Variants in AGBL4 observed in about 807,000 individuals in gnomAD.
The protein encoded by AGBL4 is AGBL carboxypeptidase 4.
Under a neutral mutation model 66.4 loss-of-function variants are expected in AGBL4, and 58 were observed. The ratio of observed to expected loss-of-function variants is 0.87; its 90% CI spans 0.71 to 1.09. The LOEUF is 1.09. Among genes scored for constraint, AGBL4 ranks in the 50% least tolerant of loss-of-function variants. The pLI, the probability that AGBL4 is intolerant of heterozygous loss-of-function variation, is 0.00. For synonymous variants in AGBL4, 234 were observed against 222.9 expected, an observed-to-expected ratio of 1.05 and a Z score of -0.44; for missense variants, 579 against 631.0, an observed-to-expected ratio of 0.92 and a Z score of 0.88.
At chr1:49,844,809 G>A in intron 2 of AGBL4, 2 of 1,551,824 alleles carry the variant, frequency 1.3e-6, no homozygotes, top group Admixed American at 1.7e-5. Context: ...GGTACTGCAG[G>A]GGTGAAGACA....
intron 6 of AGBL4, among the ~76,000 whole-genome samples, chr1:48,809,051 T>C (rs1338079091): frequency 6.6e-6 from 1 of 152,138 alleles, no homozygotes; most frequent in Admixed American, 6.6e-5. Flanking sequence ...GCAGACTTCT[T>C]GCAGGGTTTT....
chr1:49,335,615 AT>A (rs1204560076), intron 3 of AGBL4, among the ~76,000 whole-genome samples: 3 of 151,844 alleles, frequency 2.0e-5, no homozygotes, highest in Non-Finnish European at 4.4e-5. Context: ...TCCCAGGTTC[AT>A]GCCATTCTCC....
chr1:49,053,955 A>C (rs1557600845), intron 4 of AGBL4, among the ~76,000 whole-genome samples: 1 of 152,272 alleles, frequency 6.6e-6, no homozygotes, highest in Middle Eastern at 3.4e-3. Flanking sequence ...TTATTTTTGA[A>C]AAACTTATGC....
At chr1:48,759,374 C>T in intron 6 of AGBL4, 1 of 1,473,422 alleles carries the variant, frequency 6.8e-7, no homozygotes, top group Non-Finnish European at 9.0e-7. Flanking sequence ...ATCCTAAAAT[C>T]ACAGAATCAC....
intron 6 of AGBL4, among the ~76,000 whole-genome samples, chr1:48,740,353 C>G (rs866193777): frequency 2.0e-5 from 3 of 152,192 alleles, no homozygotes; most frequent in Middle Eastern, 3.2e-3. Flanking sequence ...TGCCTCTAAC[C>G]TGTTATGTAA....
intron 3 of AGBL4, among the ~76,000 whole-genome samples, chr1:49,304,193 A>G (rs1644807529): frequency 6.6e-6 from 1 of 152,188 alleles, no homozygotes; most frequent in Non-Finnish European, 1.5e-5. Context: ...AATTTTCTGC[A>G]TATGGCTAGT....
chr1:49,571,695 T>G (rs1399064069), intron 3 of AGBL4, among the ~76,000 whole-genome samples: 1 of 152,114 alleles, frequency 6.6e-6, no homozygotes, highest in African/African-American at 2.4e-5. Flanking sequence ...CAGTACCATG[T>G]TAGTTGTCAG....
intron 9 of AGBL4, among the ~76,000 whole-genome samples, chr1:48,618,401 C>T (rs1645354560): frequency 6.6e-6 from 1 of 152,142 alleles, no homozygotes; most frequent in African/African-American, 2.4e-5. Context: ...TGGTAGAAAT[C>T]CTGGGAACCT....
chr1:49,567,642 G>A (rs1344766507), intron 3 of AGBL4, among the ~76,000 whole-genome samples: 1 of 152,066 alleles, frequency 6.6e-6, no homozygotes, highest in Non-Finnish European at 1.5e-5. Flanking sequence ...ATGTGCCATG[G>A]TAGTTTTCTG....
chr1:48,844,830 G>A (rs527498849), intron 6 of AGBL4, among the ~76,000 whole-genome samples: 23 of 152,294 alleles, frequency 1.5e-4, no homozygotes, highest in South Asian at 1.2e-3. Flanking sequence ...TTTTCTTGAA[G>A]CAGGTAGGGA....
At chr1:49,369,962 T>C (rs1459729401) in intron 3 of AGBL4, among the ~76,000 whole-genome samples, 1 of 151,358 alleles carries the variant, frequency 6.6e-6, no homozygotes, top group Non-Finnish European at 1.5e-5. Flanking sequence ...AATACCACCC[T>C]CCTTGAGCAA....
chr1:49,037,452 A>G (rs1447041164), intron 5 of AGBL4, among the ~76,000 whole-genome samples: 1 of 152,062 alleles, frequency 6.6e-6, no homozygotes, highest in African/African-American at 2.4e-5. Context: ...CCCTCAGGAT[A>G]CAGTCCAAAT....
intron 11 of AGBL4, among the ~76,000 whole-genome samples, chr1:48,561,360 C>T (rs1644394762): frequency 6.6e-6 from 1 of 152,016 alleles, no homozygotes; most frequent in Non-Finnish European, 1.5e-5. Flanking sequence ...CAACGCTGTA[C>T]CACTGGATGA....
At chr1:48,891,954 T>A (rs1224584685) in intron 5 of AGBL4, among the ~76,000 whole-genome samples, 3 of 151,564 alleles carry the variant, frequency 2.0e-5, no homozygotes, top group African/African-American at 7.2e-5. Context: ...GAATACACAT[T>A]GTATTTATTT....
intron 8 of AGBL4, among the ~76,000 whole-genome samples, chr1:48,634,938 A>T (rs1258647154): frequency 6.6e-6 from 1 of 152,196 alleles, no homozygotes; most frequent in Non-Finnish European, 1.5e-5. Context: ...CAGCTGAGAA[A>T]AATGCTCAGG....
intron 7 of AGBL4, among the ~76,000 whole-genome samples, chr1:48,658,917 A>G (rs1426884071): frequency 1.3e-5 from 2 of 151,944 alleles, no homozygotes; most frequent in Non-Finnish European, 2.9e-5. Flanking sequence ...AATAACCCTG[A>G]GGAGTGAACT....
intron 6 of AGBL4, among the ~76,000 whole-genome samples, chr1:48,735,645 A>T (rs187824425): frequency 6.6e-6 from 1 of 151,888 alleles, no homozygotes; most frequent in Non-Finnish European, 1.5e-5. Context: ...CTGCCCTCCA[A>T]CCTCTCCCAT....
chr1:48,978,055 C>T (rs1379058116), intron 5 of AGBL4, among the ~76,000 whole-genome samples: 1 of 152,104 alleles, frequency 6.6e-6, no homozygotes, highest in African/African-American at 2.4e-5. Context: ...GCCATTGGAA[C>T]CTTGTGTCTT....
At chr1:48,529,459 C>G (rs1018834465), downstream of AGBL4, among the ~76,000 whole-genome samples, 1 of 152,102 alleles carries the variant, frequency 6.6e-6, no homozygotes, top group African/African-American at 2.4e-5. Context: ...ATGAGGATCC[C>G]GAGACTTAAA....
Sources: allele counts gnomAD v4.1 joint callset (sites outside exome capture counted in the v4.1 genomes callset), GRCh38; gene constraint gnomAD v4.1.1; transcripts MANE v1.5; gene names NCBI Gene and HGNC (gene_info 2026-07-23, HGNC 2026-07-21).